The following INPP4B variants were observed in gnomAD, a reference collection of about 807,000 sequenced individuals.
The protein encoded by INPP4B is inositol polyphosphate 4-phosphatase type II.
A neutral mutation model predicts 122.5 loss-of-function variants in INPP4B; 55 were observed. The observed-to-expected ratio is 0.45, with a 90% confidence interval of 0.36 to 0.56. The LOEUF (loss-of-function observed/expected upper bound fraction) is 0.56, where lower values mean the gene tolerates loss of function less well. Among genes scored for constraint, INPP4B ranks in the 20% least tolerant of loss-of-function variants. The pLI, the probability that INPP4B is intolerant of heterozygous loss-of-function variation, is 0.00. For synonymous variants in INPP4B, 403 were observed against 388.7 expected, an observed-to-expected ratio of 1.04 and a Z score of -0.43; for missense variants, 1,000 against 1,097.7, an observed-to-expected ratio of 0.91 and a Z score of 1.26.
At chr4:142,798,139 C>A (rs537427946) in intron 1 of INPP4B, among the ~76,000 whole-genome samples, 2 of 151,902 alleles carry the variant, frequency 1.3e-5, no homozygotes, top group African/African-American at 4.8e-5. Flanking sequence ...CAAAAAGGCA[C>A]CTATTTCTTT....
intron 2 of INPP4B, among the ~76,000 whole-genome samples, chr4:142,483,068 A>G (rs1349588501): frequency 2.6e-5 from 4 of 151,930 alleles, no homozygotes; most frequent in African/African-American, 9.7e-5. Flanking sequence ...AGTCCCCCCA[A>G]AATAAGGAGT....
chr4:142,654,769 A>C (rs1753813778), intron 2 of INPP4B: 1 of 152,202 alleles, frequency 6.6e-6, no homozygotes, highest in Non-Finnish European at 1.5e-5. Flanking sequence ...AAAGTCAGTA[A>C]ATAATTTTAA....
chr4:142,405,008 T>C (rs1009909759), intron 6 of INPP4B, among the ~76,000 whole-genome samples, 198 bp downstream of exon 6: 1 of 151,728 alleles, frequency 6.6e-6, no homozygotes, highest in South Asian at 2.1e-4. Context: ...CATTGCTTAA[T>C]AATCTCAGGT....
chr4:142,258,159 G>C (rs1161343258), intron 11 of INPP4B, among the ~76,000 whole-genome samples: 1 of 152,056 alleles, frequency 6.6e-6, no homozygotes, highest in Non-Finnish European at 1.5e-5. Flanking sequence ...TATGTAGAAA[G>C]CTGAAACTGG....
chr4:142,164,003 G>C (rs1461387083), intron 16 of INPP4B, among the ~76,000 whole-genome samples: 1 of 151,736 alleles, frequency 6.6e-6, no homozygotes, highest in Non-Finnish European at 1.5e-5. Context: ...AATAAACTCT[G>C]AACGTAAGGC....
At chr4:142,683,989 A>G (rs1034470713) in intron 2 of INPP4B, among the ~76,000 whole-genome samples, 2 of 151,996 alleles carry the variant, frequency 1.3e-5, no homozygotes, top group African/African-American at 4.8e-5. Flanking sequence ...AAAGGAGAAC[A>G]TGGTGTGTTC....
chr4:142,418,360 T>C (rs1309857622), intron 5 of INPP4B, among the ~76,000 whole-genome samples: 2 of 152,172 alleles, frequency 1.3e-5, no homozygotes, highest in African/African-American at 4.8e-5. Context: ...ATGGAATTCA[T>C]GCATATCAGC....
intron 2 of INPP4B, among the ~76,000 whole-genome samples, chr4:142,536,543 A>T (rs1369458981): frequency 6.6e-6 from 1 of 152,162 alleles, no homozygotes; most frequent in Non-Finnish European, 1.5e-5. Flanking sequence ...TATTTTCTCA[A>T]AGAAAAAGAA....
intron 1 of INPP4B, among the ~76,000 whole-genome samples, chr4:142,763,777 G>A (rs192731331): frequency 3.5e-4 from 53 of 152,168 alleles, no homozygotes; most frequent in Non-Finnish European, 5.0e-4. Context: ...ATACATCTCT[G>A]TGGTTAGGAA....
chr4:142,214,367 C>G (rs191940639), intron 12 of INPP4B, among the ~76,000 whole-genome samples: 6 of 152,230 alleles, frequency 3.9e-5, no homozygotes, highest in Admixed American at 3.9e-4. Flanking sequence ...CCTTGGTAAC[C>G]CCAGGATTTG....
chr4:142,438,696 A>C (rs929171798), intron 3 of INPP4B, among the ~76,000 whole-genome samples: 1 of 147,264 alleles, frequency 6.8e-6, no homozygotes, highest in Non-Finnish European at 1.5e-5. Context: ...CAAAATTGAC[A>C]AATAAAATCT....
At chr4:142,600,149 C>G (rs1739596243) in intron 2 of INPP4B, among the ~76,000 whole-genome samples, 1 of 152,080 alleles carries the variant, frequency 6.6e-6, no homozygotes, top group South Asian at 2.1e-4. Context: ...TCTAGACACC[C>G]AGATTCAGGA....
chr4:142,559,918 T>C (rs1730076183), intron 2 of INPP4B, among the ~76,000 whole-genome samples: 1 of 152,176 alleles, frequency 6.6e-6, no homozygotes, highest in Non-Finnish European at 1.5e-5. Flanking sequence ...ATAGTTTTTA[T>C]ACACTTTAAA....
At chr4:142,435,507 C>A (rs1810272629) in intron 3 of INPP4B, among the ~76,000 whole-genome samples, 1 of 151,228 alleles carries the variant, frequency 6.6e-6, no homozygotes, top group African/African-American at 2.4e-5. Context: ...AGATGGCCAA[C>A]TAGAAGCAGT....
At chr4:142,386,604 G>A (rs550085624) in intron 7 of INPP4B, among the ~76,000 whole-genome samples, 1 of 152,100 alleles carries the variant, frequency 6.6e-6, no homozygotes, top group Non-Finnish European at 1.5e-5. Context: ...TTCAAACCAC[G>A]TTCAAATAAG....
intron 18 of INPP4B, among the ~76,000 whole-genome samples, chr4:142,143,715 G>T (rs1310542382): frequency 1.3e-5 from 2 of 151,770 alleles, no homozygotes; most frequent in Admixed American, 1.3e-4. Context: ...TAACTTATGG[G>T]GAAATAAAAT....
At chr4:142,609,096 T>C (rs966255366) in intron 2 of INPP4B, among the ~76,000 whole-genome samples, 7 of 152,248 alleles carry the variant, frequency 4.6e-5, no homozygotes, top group African/African-American at 1.7e-4. Flanking sequence ...TATTTCCTAA[T>C]AATTTTGTTC....
intron 11 of INPP4B, among the ~76,000 whole-genome samples, chr4:142,244,641 G>A (rs961523137): frequency 2.6e-5 from 4 of 152,050 alleles, no homozygotes; most frequent in Admixed American, 6.5e-5. Context: ...ATCGGCATTT[G>A]GGTTGATTCC....
chr4:142,802,096 A>G (rs555976594), intron 1 of INPP4B, among the ~76,000 whole-genome samples: 93 of 152,262 alleles, frequency 6.1e-4, no homozygotes, highest in African/African-American at 2.0e-3. Context: ...AAAGGTCACT[A>G]GGGTTTGGCT....
Sources: gnomAD v4.1 joint callset for allele counts (sites outside exome capture counted in the v4.1 genomes callset) on GRCh38, gnomAD v4.1.1 for gene constraint, MANE v1.5 for transcripts, NCBI Gene and HGNC (gene_info 2026-07-23, HGNC 2026-07-21) for gene names.